Variants in CCDC88A observed in about 807,000 individuals in gnomAD.
CCDC88A encodes the protein coiled-coil and HOOK domain protein 88A, also known as girdin.
In CCDC88A, 54 loss-of-function variants were observed where a neutral mutation model predicts 234.3. That is an observed-to-expected ratio of 0.23 (90% CI 0.19 to 0.29). The LOEUF is 0.29. Ranked by LOEUF, CCDC88A falls within the 10% of genes least tolerant of loss-of-function variation. The pLI, the probability that CCDC88A is intolerant of heterozygous loss-of-function variation, is 1.00. For synonymous variants in CCDC88A, 753 were observed against 737.8 expected (o/e 1.02, Z -0.33); for missense variants, 1,832 against 2,123.4 (o/e 0.86, Z 2.70).
intron 17 of CCDC88A, among the ~76,000 whole-genome samples, chr2:55,325,480 G>A (rs139486778): frequency 6.6e-6 from 1 of 152,278 alleles, no homozygotes; most frequent in East Asian, 1.9e-4. Context: ...GGTGAAGAAA[G>A]ACATTTTTAC....
intron 22 of CCDC88A, chr2:55,315,595 G>T (rs1196104901): frequency 6.0e-6 from 1 of 166,094 alleles, no homozygotes; most frequent in Non-Finnish European, 1.3e-5. Context: ...TCTGAGCTTT[G>T]TTGGGTAATT....
chr2:55,380,859 G>A (rs561017276), intron 3 of CCDC88A, among the ~76,000 whole-genome samples: 4 of 152,144 alleles, frequency 2.6e-5, no homozygotes, highest in East Asian at 1.9e-4. Flanking sequence ...TCAAATGATC[G>A]CTTGCCTTGG....
intron 2 of CCDC88A, among the ~76,000 whole-genome samples, chr2:55,410,394 T>C (rs1382985053): frequency 6.6e-6 from 1 of 152,208 alleles, no homozygotes. Context: ...TTTGAAACTT[T>C]CAAGTCATTA....
intron 26 of CCDC88A, chr2:55,302,723 C>G (rs1681043902): frequency 1.2e-5 from 2 of 163,502 alleles, no homozygotes; most frequent in Non-Finnish European, 2.7e-5. Flanking sequence ...ACTTCTAATG[C>G]TAAACATTTT....
At chr2:55,344,150 T>C (rs1426234797) in intron 11 of CCDC88A, 2 of 382,830 alleles carry the variant, frequency 5.2e-6, no homozygotes, top group African/African-American at 2.1e-5. Flanking sequence ...ATTAAAAGGT[T>C]GAAGACAACA....
intron 2 of CCDC88A, among the ~76,000 whole-genome samples, chr2:55,413,641 C>T (rs1210057808): frequency 6.6e-6 from 1 of 152,090 alleles, no homozygotes; most frequent in African/African-American, 2.4e-5. Context: ...AAGATAGAGT[C>T]CCTGGCTTCA....
At chr2:55,396,333 C>T (rs1031956785) in intron 2 of CCDC88A, among the ~76,000 whole-genome samples, 1 of 152,122 alleles carries the variant, frequency 6.6e-6, no homozygotes, top group African/African-American at 2.4e-5. Context: ...CTTCTTCTAC[C>T]TTTTATTTCT....
At chr2:55,396,240 C>A (rs1399748594) in intron 2 of CCDC88A, among the ~76,000 whole-genome samples, 1 of 152,100 alleles carries the variant, frequency 6.6e-6, no homozygotes, top group African/African-American at 2.4e-5. Context: ...AAGAACAACA[C>A]CAGTAACAAA....
rs533456846 is a variant in CCDC88A, at chr2:55,414,030, A to G, written c.164+4786T>C. Reference sequence around the variant, plus strand: ...GGCAGATGACTTCTGAAGTCCCTTCAAACCCAAAATTCTAAAGGAAAAGCC... The same window carrying G: ...GGCAGATGACTTCTGAAGTCCCTTCGAACCCAAAATTCTAAAGGAAAAGCC... On this transcript the variant is annotated intron_variant, in intron 2 of 32. Transcript: ENST00000436346. 2.6e-3 allele frequency among the ~76,000 whole-genome samples: 389 copies of G among 152,242 alleles called. 1 individual carries two copies. Among genetic ancestry groups the G allele is most frequent in the Non-Finnish European group, 4.1e-3 (281 of 68,008 alleles).
chr2:55,326,801 C>G (rs925179349), intron 17 of CCDC88A, among the ~76,000 whole-genome samples: 1 of 152,144 alleles, frequency 6.6e-6, no homozygotes, highest in Non-Finnish European at 1.5e-5. Flanking sequence ...GAACTCCCAA[C>G]CTAAAAAGAT....
At chr2:55,313,653 G>A (rs927583064) in intron 22 of CCDC88A, 2 of 149,792 alleles carry the variant, frequency 1.3e-5, no homozygotes, top group African/African-American at 5.1e-5. Flanking sequence ...TCAAATTCAG[G>A]TCTCGAGTAG....
At chr2:55,319,528 T>C (rs191573137) in intron 18 of CCDC88A, among the ~76,000 whole-genome samples, 2 of 152,280 alleles carry the variant, frequency 1.3e-5, no homozygotes, top group African/African-American at 4.8e-5. Context: ...ATCTTAACCA[T>C]TTTTTGTTTC....
intron 3 of CCDC88A, among the ~76,000 whole-genome samples, chr2:55,386,142 G>A (rs1238264603): frequency 6.6e-6 from 1 of 151,762 alleles, no homozygotes; most frequent in Non-Finnish European, 1.5e-5. Context: ...AGAATCACTT[G>A]AACCCAGGAG....
chr2:55,330,793 C>A (rs562722988), intron 16 of CCDC88A, among the ~76,000 whole-genome samples: 1 of 152,296 alleles, frequency 6.6e-6, no homozygotes, highest in South Asian at 2.1e-4. Context: ...CACTTCCTAT[C>A]CTGTCTCTGT....
At chr2:55,406,674 T>C (rs530084547) in intron 2 of CCDC88A, among the ~76,000 whole-genome samples, 76 of 152,062 alleles carry the variant, frequency 5.0e-4, no homozygotes, top group African/African-American at 1.8e-3. Context: ...CATGAGAATC[T>C]CTTGATCCCA....
intron 12 of CCDC88A, among the ~76,000 whole-genome samples, chr2:55,341,921 G>A (rs1171722518): frequency 6.6e-6 from 1 of 152,104 alleles, no homozygotes; most frequent in Non-Finnish European, 1.5e-5. Flanking sequence ...ATGTCCTTTA[G>A]ATATATACCC....
In CCDC88A at chr2:55,294,963, AACCT is replaced by A. The variant is rs1188824224; in HGVS notation, c.5551+630_5551+633del. 3.3e-6 allele frequency: 4 copies of A among 1,195,964 alleles called. No individual in the cohort carries two copies. In the South Asian group the frequency reaches 6.6e-5, roughly 20 times the overall value. The allele number at this position is 1,195,964 out of a possible 1,614,324, so 74.1% of individuals were successfully genotyped here. On this transcript the variant is annotated intron_variant, in intron 31 of 32. Coordinates refer to ENST00000436346, the MANE Select transcript of CCDC88A (RefSeq NM_001365480.1). ...GCAACAATTTTAAATAAAAAATAAA[AACCT>A]AGCCAAATGATATTTTGTTAACAGC...
Position 55,332,699 on chromosome 2 carries a change from T to G in CCDC88A, c.2728-6A>C. The G allele has an allele frequency of 6.2e-7, 1 of 1,612,584 alleles. No individual in the cohort carries two copies. The highest frequency in any genetic ancestry group is 2.2e-5 in the East Asian group (1 of 44,726). On this transcript the variant is annotated splice_region_variant and splice_polypyrimidine_tract_variant and intron_variant, in intron 15 of 32. Transcript: ENST00000436346. The surrounding 1 kb of genome is among the most constrained non-coding windows in gnomAD (Gnocchi z 4.5). ...AACTTTTCACTCACCAAATCCTTATTTTAAAAGAAATGCAAAACTCACCTA... is the reference window on the plus strand; with the variant it reads ...AACTTTTCACTCACCAAATCCTTATGTTAAAAGAAATGCAAAACTCACCTA...
At chr2:55,372,032 T>A (rs1405413448) in intron 5 of CCDC88A, among the ~76,000 whole-genome samples, 1 of 152,088 alleles carries the variant, frequency 6.6e-6, no homozygotes, top group Admixed American at 6.6e-5. Context: ...TTCTGCCTCC[T>A]TTTTTACCTT....
Sources: allele counts gnomAD v4.1 joint callset (sites outside exome capture counted in the v4.1 genomes callset), GRCh38; gene constraint gnomAD v4.1.1; non-coding constraint Gnocchi (gnomAD v3.1); transcripts MANE v1.5; gene names NCBI Gene and HGNC (gene_info 2026-07-23, HGNC 2026-07-21).